Variants in NXPH2 observed in about 807,000 individuals in gnomAD.
The protein encoded by NXPH2 is neurexophilin 2.
A neutral mutation model predicts 19.8 loss-of-function variants in NXPH2; 5 were observed. The observed-to-expected ratio is 0.25, with a 90% CI of 0.13 to 0.53. NXPH2 has a LOEUF of 0.53. Ranked by LOEUF, NXPH2 falls within the 20% of genes least tolerant of loss-of-function variation. NXPH2 has a pLI of 0.96. For synonymous variants in NXPH2, 154 were observed against 127.4 expected (o/e 1.21, Z -1.41); for missense variants, 289 against 322.8 (o/e 0.90, Z 0.80).
chr2:138,681,991 TGAA>T (rs1408109332), intron 1 of NXPH2, among the ~76,000 whole-genome samples: 1 of 152,134 alleles, frequency 6.6e-6, no homozygotes, highest in Non-Finnish European at 1.5e-5. Flanking sequence ...CCTTTACAGT[TGAA>T]GAATTATAGA....
intron 1 of NXPH2, among the ~76,000 whole-genome samples, chr2:138,680,217 C>A (rs188424814): frequency 6.6e-6 from 1 of 152,252 alleles, no homozygotes; most frequent in African/African-American, 2.4e-5. Context: ...CCTCTCTGAG[C>A]TTGGTTTTCT....
At position 138,669,752 on chromosome 2, in the gene NXPH2, C is replaced by A. The variant is rs919305549; in HGVS notation, c.*1170G>T. Among the ~76,000 whole-genome samples the A allele has an allele frequency of 1.1e-4, 17 of 152,104 alleles. No individual in the cohort carries two copies. Among genetic ancestry groups the A allele is most frequent in the Admixed American group, 1.1e-3 (17 of 15,266 alleles). ...TTCTACCATATAGGACTGCTATTCA[C>A]CCCCACAGGGAAGATGAGAAGGGCA... is the stretch of plus-strand genomic sequence containing the variant. On this transcript the variant is annotated 3_prime_UTR_variant, in exon 2 of 2. Coordinates refer to ENST00000272641, the MANE Select transcript of NXPH2 (RefSeq NM_007226.3).
At chr2:138,709,095 T>C (rs1049721383) in intron 1 of NXPH2, among the ~76,000 whole-genome samples, 2 of 152,138 alleles carry the variant, frequency 1.3e-5, no homozygotes, top group African/African-American at 4.8e-5. Context: ...GCAATGGAGC[T>C]AATTCCAATC....
chr2:138,780,266 C>G lies in NXPH2; in HGVS notation c.-25G>C, dbSNP rs986588951. 2.8e-6 allele frequency: 4 copies of G among 1,414,506 alleles called. No homozygotes were observed. The highest frequency in any genetic ancestry group is 2.0e-4 in the Middle Eastern group (1 of 5,092). 87.6% of individuals were successfully genotyped at this position (1,414,506 alleles called of 1,614,324 possible). A position where few individuals can be genotyped will look rare whatever the true frequency, so the allele number is the denominator to read the frequency against. The stretch of plus-strand genomic sequence containing the variant: ...TGGTGCCGGCTGGCGCGGCTTTTCA[C>G]GAGCTGCGCGCCCTCGCCTGCCTCT... On this transcript the variant is annotated 5_prime_UTR_variant, in exon 1 of 2. Coordinates refer to ENST00000272641, the MANE Select transcript of NXPH2 (RefSeq NM_007226.3).
intron 1 of NXPH2, among the ~76,000 whole-genome samples, chr2:138,750,511 G>C (rs1334895616): frequency 6.6e-6 from 1 of 152,058 alleles, no homozygotes; most frequent in East Asian, 1.9e-4. Flanking sequence ...CAGAAGTAGA[G>C]CTGTAAATGT....
intron 1 of NXPH2, among the ~76,000 whole-genome samples, chr2:138,686,828 G>A (rs1680663625): frequency 6.6e-6 from 1 of 151,946 alleles, no homozygotes; most frequent in South Asian, 2.1e-4. Flanking sequence ...TTGCAATAGT[G>A]TGCTGAGAAT....
In NXPH2 at chr2:138,780,250, C is replaced by T. The variant is rs372990838; in HGVS notation, c.-9G>A. The stretch of plus-strand genomic sequence containing the variant: ...AGCGGCCGCAGGCGCATGGTGCCGG[C>T]TGGCGCGGCTTTTCACGAGCTGCGC... On this transcript the variant is annotated 5_prime_UTR_variant, in exon 1 of 2. Transcript: ENST00000272641. 2.1e-4 allele frequency: 303 copies of T among 1,429,638 alleles called. 1 individual carries two copies. The African/African-American group carries it at 4.2e-3, about 20-fold the overall frequency. The allele number at this position is 1,429,638 out of a possible 1,614,324, so 88.6% of individuals were successfully genotyped here. A position where few individuals can be genotyped will look rare whatever the true frequency, so the allele number is the denominator to read the frequency against.
intron 1 of NXPH2, among the ~76,000 whole-genome samples, chr2:138,716,992 G>A (rs1681204902): frequency 6.6e-6 from 1 of 152,156 alleles, no homozygotes. Flanking sequence ...TGAAATGACA[G>A]ATGGATAAGA....
chr2:138,724,510 TG>T (rs1247453464), intron 1 of NXPH2, among the ~76,000 whole-genome samples: 5 of 152,212 alleles, frequency 3.3e-5, no homozygotes, highest in Non-Finnish European at 1.5e-5. Context: ...AATCCCTTTG[TG>T]GGGCAGAGCT....
At chr2:138,779,224 C>A (rs1031511532) in intron 1 of NXPH2, among the ~76,000 whole-genome samples, 16 of 152,194 alleles carry the variant, frequency 1.1e-4, no homozygotes, top group Non-Finnish European at 1.8e-4. Flanking sequence ...CTTAATAGCA[C>A]CCTAACAAGG....
At chr2:138,775,118 T>C (rs560974865) in intron 1 of NXPH2, among the ~76,000 whole-genome samples, 25 of 152,310 alleles carry the variant, frequency 1.6e-4, no homozygotes, top group South Asian at 8.3e-4. Context: ...TAGATACAAC[T>C]ATTTGATCTT....
At chr2:138,758,734 A>C (rs1040805959) in intron 1 of NXPH2, among the ~76,000 whole-genome samples, 1 of 152,232 alleles carries the variant, frequency 6.6e-6, no homozygotes, top group Non-Finnish European at 1.5e-5. Flanking sequence ...TGACTGGTTG[A>C]CCATGTCTGG....
At chr2:138,714,010 A>C (rs1681152162) in intron 1 of NXPH2, among the ~76,000 whole-genome samples, 2 of 152,168 alleles carry the variant, frequency 1.3e-5, no homozygotes, top group Admixed American at 1.3e-4. Context: ...AATAAAACAA[A>C]ACAGAAAAAA....
intron 1 of NXPH2, among the ~76,000 whole-genome samples, chr2:138,743,104 T>G (rs1558927252): frequency 6.6e-6 from 1 of 152,234 alleles, no homozygotes; most frequent in East Asian, 1.9e-4. Flanking sequence ...CACAAATGTA[T>G]TTCAAGAGAG....
intron 1 of NXPH2, among the ~76,000 whole-genome samples, chr2:138,777,584 G>A (rs1323662671): frequency 1.3e-5 from 2 of 151,652 alleles, no homozygotes; most frequent in Admixed American, 6.6e-5. Context: ...ATATATACGT[G>A]TATATTATAT....
At chr2:138,693,639 C>T (rs1440231030) in intron 1 of NXPH2, among the ~76,000 whole-genome samples, 1 of 151,748 alleles carries the variant, frequency 6.6e-6, no homozygotes, top group Non-Finnish European at 1.5e-5. Context: ...TATAAGAGAG[C>T]TGTATTGGTG....
rs1218366861 is a variant in NXPH2 at position 138,737,514 on chromosome 2, AAGACG to A, written c.51+42672_51+42676del. 6.6e-5 allele frequency among the ~76,000 whole-genome samples: 10 copies of A among 152,322 alleles called. No homozygotes were observed. The East Asian group carries it at 1.9e-3, about 29-fold the overall frequency. Reference sequence around the variant, plus strand: ...AAGGGAATTATGGGAGCTACAATTCAAGACGAGGTTTGGGTGGGGACACAGCCTAA... The same window carrying A: ...AAGGGAATTATGGGAGCTACAATTCAAGGTTTGGGTGGGGACACAGCCTAA... On this transcript the variant is annotated intron_variant, in intron 1 of 1. Transcript: ENST00000272641.
chr2:138,702,077 C>A (rs199773966), intron 1 of NXPH2, among the ~76,000 whole-genome samples: 1 of 152,094 alleles, frequency 6.6e-6, no homozygotes, highest in South Asian at 2.1e-4. Flanking sequence ...TTTCCTTCCC[C>A]TTCCTTTATT....
intron 1 of NXPH2, among the ~76,000 whole-genome samples, chr2:138,712,511 C>A (rs551286721): frequency 2.0e-5 from 3 of 152,186 alleles, no homozygotes; most frequent in South Asian, 4.1e-4. Context: ...CATTGCCCCC[C>A]ACCCTGGGAT....
Sources: allele counts gnomAD v4.1 joint callset (sites outside exome capture counted in the v4.1 genomes callset), GRCh38; gene constraint gnomAD v4.1.1; transcripts MANE v1.5; gene names NCBI Gene and HGNC (gene_info 2026-07-23, HGNC 2026-07-21).